Variants in TAF3 observed in about 807,000 individuals in gnomAD.
TAF3 encodes TATA-box binding protein associated factor 3, also known as transcription initiation factor TFIID subunit 3.
Under a neutral mutation model 80.6 loss-of-function variants are expected in TAF3, and 7 were observed. The ratio of observed to expected loss-of-function variants is 0.09; its 90% CI spans 0.05 to 0.16. The LOEUF is 0.16. Ranked by LOEUF, TAF3 falls within the 10% of genes least tolerant of loss-of-function variation. TAF3 has a pLI of 1.00. For synonymous variants in TAF3, 444 were observed against 446.1 expected (o/e 1.00, Z 0.06); for missense variants, 921 against 1,140.2 (o/e 0.81, Z 2.77).
chr10:7,865,594 A>T (rs1172983195), intron 2 of TAF3, among the ~76,000 whole-genome samples: 1 of 152,226 alleles, frequency 6.6e-6, no homozygotes, highest in Non-Finnish European at 1.5e-5. Flanking sequence ...GGGCGTAGTA[A>T]CAGGCCTGCG....
chr10:7,950,588 G>A (rs1040712241), intron 2 of TAF3, among the ~76,000 whole-genome samples: 15 of 152,184 alleles, frequency 9.9e-5, no homozygotes, highest in Non-Finnish European at 8.8e-5. Flanking sequence ...TCAGTAGTCC[G>A]TAAAAGTACT....
chr10:8,006,817 C>T (rs1057492011), intron 4 of TAF3, among the ~76,000 whole-genome samples: 2 of 152,230 alleles, frequency 1.3e-5, no homozygotes, highest in Non-Finnish European at 2.9e-5. Context: ...TCGTGAGCAA[C>T]AGCCGTGAAC....
chr10:7,838,786 T>C (rs565984690), intron 2 of TAF3, among the ~76,000 whole-genome samples: 3 of 152,260 alleles, frequency 2.0e-5, no homozygotes, highest in Admixed American at 6.5e-5. Flanking sequence ...GTTAAGGATC[T>C]GGCTGCCTCT....
chr10:7,962,807 T>C (rs757734130), intron 2 of TAF3, among the ~76,000 whole-genome samples: 2 of 152,268 alleles, frequency 1.3e-5, no homozygotes, highest in Non-Finnish European at 2.9e-5. Context: ...TATCTGTTAT[T>C]GCTGCACTAA....
At chr10:7,869,954 A>C (rs1837249257) in intron 2 of TAF3, among the ~76,000 whole-genome samples, 1 of 152,216 alleles carries the variant, frequency 6.6e-6, no homozygotes, top group African/African-American at 2.4e-5. Context: ...GTTGGCCCAG[A>C]GATTACTGAA....
At chr10:7,941,203 G>A (rs755527984) in intron 2 of TAF3, among the ~76,000 whole-genome samples, 13 of 152,210 alleles carry the variant, frequency 8.5e-5, no homozygotes, top group Non-Finnish European at 1.9e-4. Flanking sequence ...AGCAAGCTGA[G>A]TGACCACGTT....
At position 8,008,065 on chromosome 10, in the gene TAF3, T is replaced by C. The variant is rs1265265020; in HGVS notation, c.2316-1013T>C. The stretch of plus-strand genomic sequence containing the variant: ...AGCTGCCGCTGCATTACCTCCTCCT[T>C]ACCTCTGCAGCCCGTCTGGGAACAA... On this transcript the variant is annotated intron_variant, in intron 4 of 6. Transcript: ENST00000344293. Among the ~76,000 whole-genome samples the C allele has an allele frequency of 5.3e-5, 8 of 150,732 alleles. No individual in the cohort carries two copies. The South Asian group carries it at 6.3e-4, about 12-fold the overall frequency.
At chr10:7,891,451 A>G (rs1433954662) in intron 2 of TAF3, among the ~76,000 whole-genome samples, 1 of 152,246 alleles carries the variant, frequency 6.6e-6, no homozygotes, top group Non-Finnish European at 1.5e-5. Context: ...TTTGTGTGCT[A>G]ACTTGCACTA....
At chr10:7,873,621 C>CT (rs980010593) in intron 2 of TAF3, among the ~76,000 whole-genome samples, 3 of 130,410 alleles carry the variant, frequency 2.3e-5, no homozygotes, top group Non-Finnish European at 5.1e-5. Context: ...GAGTTCTCCC[C>CT]CCCCCCCCGT....
At chr10:8,011,395 A>C (rs985512245) in intron 5 of TAF3, among the ~76,000 whole-genome samples, 4 of 152,086 alleles carry the variant, frequency 2.6e-5, no homozygotes, top group Admixed American at 6.5e-5. Flanking sequence ...CTGGGACCAC[A>C]GGCGTCTGCC....
At chr10:7,899,091 T>TA (rs1294476316) in intron 2 of TAF3, among the ~76,000 whole-genome samples, 5 of 152,216 alleles carry the variant, frequency 3.3e-5, no homozygotes, top group African/African-American at 1.2e-4. Context: ...CTAGCATTTT[T>TA]AAGAGAGCAT....
chr10:7,827,193 A>G (rs1836750787), intron 2 of TAF3, among the ~76,000 whole-genome samples: 1 of 152,238 alleles, frequency 6.6e-6, no homozygotes, highest in South Asian at 2.1e-4. Flanking sequence ...TCACGGCATC[A>G]CTGAGACATG....
intron 2 of TAF3, among the ~76,000 whole-genome samples, chr10:7,943,910 A>C (rs1350288652): frequency 6.6e-6 from 1 of 152,206 alleles, no homozygotes; most frequent in Non-Finnish European, 1.5e-5. Flanking sequence ...CTAAAAAATC[A>C]TTACCCCTAG....
chr10:7,930,662 C>T (rs947145106), intron 2 of TAF3, among the ~76,000 whole-genome samples: 8 of 152,034 alleles, frequency 5.3e-5, no homozygotes, highest in South Asian at 2.1e-4. Context: ...TATTTTTAAG[C>T]GCCATTTGAT....
chr10:7,898,440 G>A (rs1564359288), intron 2 of TAF3, among the ~76,000 whole-genome samples: 2 of 151,946 alleles, frequency 1.3e-5, no homozygotes, highest in African/African-American at 4.8e-5. Flanking sequence ...CAGCTACTTG[G>A]GAGGCTGAGG....
At chr10:8,013,308 G>A (rs919327755) in intron 5 of TAF3, among the ~76,000 whole-genome samples, 18 of 152,098 alleles carry the variant, frequency 1.2e-4, no homozygotes, top group African/African-American at 3.6e-4. Context: ...CTATGAATGC[G>A]ATTGAGAAAA....
At chr10:7,915,269 C>G (rs1157435703) in intron 2 of TAF3, among the ~76,000 whole-genome samples, 1 of 151,816 alleles carries the variant, frequency 6.6e-6, no homozygotes, top group African/African-American at 2.4e-5. Context: ...TATGAAGAAC[C>G]TGCGCTCTTC....
rs117489619 is a variant in TAF3, at chr10:7,909,066, G to A, written c.410-54854G>A. Among the ~76,000 whole-genome samples the A allele has an allele frequency of 1.1e-3, 166 of 152,354 alleles. 2 individuals carry two copies. The East Asian group carries it at 0.028, about 26-fold the overall frequency. ...GGAGACATGTCCCTTACCAGCCGTC[G>A]CTGGGCCTGTCACCTCTCCCGTGGA... On this transcript the variant is annotated intron_variant, in intron 2 of 6. Transcript: ENST00000344293.
At chr10:7,952,636 A>G (rs568715575) in intron 2 of TAF3, among the ~76,000 whole-genome samples, 1 of 152,254 alleles carries the variant, frequency 6.6e-6, no homozygotes, top group South Asian at 2.1e-4. Context: ...TTAGTTTTTT[A>G]TTGTGCAGAA....
Sources: gnomAD v4.1 joint callset for allele counts (sites outside exome capture counted in the v4.1 genomes callset) on GRCh38, gnomAD v4.1.1 for gene constraint, MANE v1.5 for transcripts, NCBI Gene and HGNC (gene_info 2026-07-23, HGNC 2026-07-21) for gene names.